The following NOP9 variants were observed in gnomAD, a reference collection of about 807,000 sequenced individuals.
NOP9 encodes nucleolar protein 9.
In NOP9, 50 loss-of-function variants were observed where a neutral mutation model predicts 63.0. That is an observed-to-expected ratio of 0.79 (90% CI 0.63 to 1.00). The LOEUF is 1.00. Among genes scored for constraint, NOP9 ranks in the 50% least tolerant of loss-of-function variants. The probability of loss-of-function intolerance (pLI) is 0.00; values close to 1 mark genes in which losing one functional copy is unlikely to be tolerated. For missense variants in NOP9, 758 were observed against 803.0 expected (o/e 0.94, Z 0.68); for synonymous variants, 343 against 332.8 (o/e 1.03, Z -0.33).
chr14:24,292,938 G>T, the NOP9 span: 1 of 879,922 alleles, frequency 1.1e-6, no homozygotes, highest in Non-Finnish European at 1.6e-6. Context: ...GGGGCTTGAG[G>T]CCATATTCTG....
In NOP9 at chr14:24,305,614, G is replaced by T. The variant is rs1238489240; in HGVS notation, c.*519G>T. The T allele has an allele frequency of 6.2e-7, 1 of 1,604,122 alleles. No homozygotes were observed. Among genetic ancestry groups the T allele is most frequent in the Non-Finnish European group, 8.5e-7 (1 of 1,175,840 alleles). ...GTGGGTCGGTTGGAATGATTCTGGG[G>T]GCAGAAGCTCAGAGCCCCTTAGTAG... is the stretch of plus-strand genomic sequence containing the variant. On this transcript the variant is annotated 3_prime_UTR_variant, in exon 10 of 10. Transcript: ENST00000267425.
At chr14:24,276,886 A>G in the NOP9 span, among the ~76,000 whole-genome samples, 1 of 152,194 alleles carries the variant, frequency 6.6e-6, no homozygotes, top group Non-Finnish European at 1.5e-5. Flanking sequence ...TGATCCTCCT[A>G]TTTTAAAACT....
the NOP9 span, chr14:24,271,310 G>T: frequency 1.7e-6 from 1 of 580,140 alleles, no homozygotes; most frequent in Non-Finnish European, 2.8e-6. Context: ...TTCCACAAGA[G>T]GTGAGCACCC....
At chr14:24,292,582 T>C in the NOP9 span, 2 of 1,612,386 alleles carry the variant, frequency 1.2e-6, no homozygotes. Flanking sequence ...CACTGGGGAT[T>C]GTACCTCCTG....
At chr14:24,278,480 G>A in the NOP9 span, among the ~76,000 whole-genome samples, 1 of 152,182 alleles carries the variant, frequency 6.6e-6, no homozygotes, top group South Asian at 2.1e-4. Context: ...ATAATCGAAG[G>A]TCACTTGCAC....
Position 24,301,984 on chromosome 14 carries a change from C to A in NOP9, c.828C>A (p.Ile276=). ...KDIAVFITDK[I]SSFCLQVALQ... is the part of the protein sequence containing the mutation. ...CCACAGTGTTTATCACTGATAAGAT[C>A]TCCAGCTTCTGTCTTCAAGTGGCTT... The change falls in exon 4 of 10, where the codon ATC becomes ATA. Residue 276 remains isoleucine, a synonymous_variant. Transcript: ENST00000267425. 3 of 1,613,936 alleles carry A rather than the reference C, an allele frequency of 1.9e-6. No individual in the cohort carries two copies. Among genetic ancestry groups the A allele is most frequent in the Non-Finnish European group, 8.5e-7 (1 of 1,179,938 alleles).
At chr14:24,272,930 C>T in the NOP9 span, among the ~76,000 whole-genome samples, 8 of 152,314 alleles carry the variant, frequency 5.3e-5, no homozygotes, top group South Asian at 2.1e-4. Flanking sequence ...AGTGGCACCT[C>T]GAGGAAGTTC....
the NOP9 span, among the ~76,000 whole-genome samples, chr14:24,284,953 C>T: frequency 1.3e-5 from 2 of 152,148 alleles, no homozygotes; most frequent in Non-Finnish European, 2.9e-5. Context: ...TACTCATGGG[C>T]CCAAAGGGGA....
the NOP9 span, chr14:24,290,652 CA>C: frequency 1.8e-6 from 1 of 555,886 alleles, no homozygotes; most frequent in African/African-American, 1.9e-5. Flanking sequence ...AATACTAAGG[CA>C]AAAAGTAAAA....
At position 24,300,770 on chromosome 14, in the gene NOP9, A is replaced by T. The variant is rs770968963; in HGVS notation, c.610A>T (p.Ser204Cys). The T allele has an allele frequency of 1.9e-6, 3 of 1,614,218 alleles. No individual in the cohort carries two copies. The highest frequency in any genetic ancestry group is 2.5e-6 in the Non-Finnish European group (3 of 1,180,032). Reference protein sequence around the residue: ...FLVYCGDTHGSFVVRTLLQVL... With the variant: ...FLVYCGDTHGCFVVRTLLQVL... ...TGTCTACTGTGGAGACACACATGGC[A>T]GCTTCGTGGTCAGAACTCTGCTTCA... Residue 204 changes from serine to cysteine, a missense_variant, in exon 2 of 10, where the codon AGC (serine) becomes TGC (cysteine). Coordinates refer to ENST00000267425, the MANE Select transcript of NOP9 (RefSeq NM_174913.3).
At chr14:24,282,110 C>A in the NOP9 span, among the ~76,000 whole-genome samples, 1 of 152,124 alleles carries the variant, frequency 6.6e-6, no homozygotes, top group Admixed American at 6.5e-5. Flanking sequence ...ATTGCTGAAC[C>A]CAGGAGGCGG....
rs776862919 is a variant in NOP9 at position 24,305,721 on chromosome 14, T to C, written c.*626T>C. 3 of 1,614,078 alleles carry C rather than the reference T, an allele frequency of 1.9e-6. No individual in the cohort carries two copies. The highest frequency in any genetic ancestry group is 2.5e-6 in the Non-Finnish European group (3 of 1,180,046). On this transcript the variant is annotated 3_prime_UTR_variant, in exon 10 of 10. Coordinates refer to ENST00000267425, the MANE Select transcript of NOP9 (RefSeq NM_174913.3). ...GGTGGAGGAAATTCCCAGCAACATATGGCCCAGGCCTTGCAGCAGTGTGGA... is the reference window on the plus strand; with the variant it reads ...GGTGGAGGAAATTCCCAGCAACATACGGCCCAGGCCTTGCAGCAGTGTGGA...
At chr14:24,301,565 G>A (rs2041376573) in intron 2 of NOP9, 47 bp from the exon 3 acceptor site, 2 of 1,605,322 alleles carry the variant, frequency 1.2e-6, no homozygotes, top group African/African-American at 1.3e-5. Flanking sequence ...TCTCCTGGAT[G>A]GCAGTTTGTG....
chr14:24,301,795 T>G (rs2041381775), intron 3 of NOP9, 73 bp downstream of exon 3: 1 of 1,538,560 alleles, frequency 6.5e-7, no homozygotes, highest in African/African-American at 1.4e-5. Context: ...GCAAGGCCCT[T>G]ACCTCAGGTT....
Position 24,306,972 on chromosome 14 carries a change from A to G in NOP9, c.*1877A>G, listed in dbSNP as rs192402158. On this transcript the variant is annotated 3_prime_UTR_variant, in exon 10 of 10. Transcript: ENST00000267425. The stretch of plus-strand genomic sequence containing the variant: ...CTACATTATCCTCTTACTCCTTTCA[A>G]CAACCCTAGGAGGTGATGTATTATT... The G allele has an allele frequency of 6.0e-5, 15 of 248,916 alleles. No individual in the cohort carries two copies. In the East Asian group the frequency reaches 8.1e-4, roughly 13 times the overall value. 15.4% of individuals were successfully genotyped at this position (248,916 alleles called of 1,614,324 possible). A position where few individuals can be genotyped will look rare whatever the true frequency, so the allele number is the denominator to read the frequency against.
chr14:24,302,022 A>C lies in NOP9; in HGVS notation c.866A>C (p.His289Pro), dbSNP rs1420736779. 1 of 1,614,060 alleles carries C rather than the reference A, an allele frequency of 6.2e-7. No homozygotes were observed. Among genetic ancestry groups the C allele is most frequent in the Non-Finnish European group, 8.5e-7 (1 of 1,179,954 alleles). ...CTTCAAGTGGCTTTACAGGTTTTAC[A>C]CCGCAAACTTCCCCAGTTTTGCGCT... ...FCLQVALQVL[H>P]RKLPQFCAHL... The change falls in exon 4 of 10, where the codon CAC becomes CCC. Residue 289 changes from histidine to proline, a missense_variant. By Grantham distance (77) the His-to-Pro change is moderately conservative (BLOSUM62 -2). Coordinates refer to ENST00000267425, the MANE Select transcript of NOP9 (RefSeq NM_174913.3).
chr14:24,305,533 T>C lies in NOP9; in HGVS notation c.*438T>C, dbSNP rs535033229. ...AGGACAGTGGGGAAATTGGGTGGGT[T>C]ATCTAGCCTGTACTGTCTGCAGGTC... On this transcript the variant is annotated 3_prime_UTR_variant, in exon 10 of 10. Coordinates refer to ENST00000267425, the MANE Select transcript of NOP9 (RefSeq NM_174913.3). 5 of 1,453,450 alleles carry C rather than the reference T, an allele frequency of 3.4e-6. No individual in the cohort carries two copies. The highest frequency in any genetic ancestry group is 3.7e-6 in the Non-Finnish European group (4 of 1,078,670). The allele number at this position is 1,453,450 out of a possible 1,614,324, so 90.0% of individuals were successfully genotyped here.
chr14:24,282,736 C>T, the NOP9 span, among the ~76,000 whole-genome samples: 6 of 152,338 alleles, frequency 3.9e-5, no homozygotes, highest in African/African-American at 1.2e-4. Context: ...CAGCATTCCT[C>T]ATGGGCTCCT....
At chr14:24,288,978 T>C in the NOP9 span, among the ~76,000 whole-genome samples, 1 of 151,590 alleles carries the variant, frequency 6.6e-6, no homozygotes, top group African/African-American at 2.4e-5. Context: ...CACGCCCAGC[T>C]AATTTTTTTT....
Sources: gnomAD v4.1 joint callset for allele counts (sites outside exome capture counted in the v4.1 genomes callset) on GRCh38, gnomAD v4.1.1 for gene constraint, MANE v1.5 for transcripts, NCBI Gene and HGNC (gene_info 2026-07-23, HGNC 2026-07-21) for gene names.